ANKRD28: variants seen among roughly 807,000 people sequenced by gnomAD.
ANKRD28 encodes the protein serine/threonine-protein phosphatase 6 regulatory ankyrin repeat subunit A.
A neutral mutation model predicts 126.5 loss-of-function variants in ANKRD28; 44 were observed. The observed-to-expected ratio is 0.35, with a 90% CI of 0.27 to 0.45. The LOEUF is 0.45. ANKRD28 is among the 20% of genes least tolerant of loss of function. The pLI is 1.00. For synonymous variants in ANKRD28, 442 were observed against 468.5 expected (o/e 0.94, Z 0.73); for missense variants, 1,110 against 1,316.6 (o/e 0.84, Z 2.43).
rs541704511 is a variant in ANKRD28, at chr3:15,686,358, T to C, written c.1964-49A>G. 1.5e-4 allele frequency: 214 copies of C among 1,392,302 alleles called. 4 individuals carry two copies. In the South Asian group the frequency reaches 2.5e-3, roughly 16 times the overall value. 86.2% of individuals were successfully genotyped at this position (1,392,302 alleles called of 1,614,324 possible). A position where few individuals can be genotyped will look rare whatever the true frequency, so the allele number is the denominator to read the frequency against. ...TCAGTAATTACATATAATGATAAAA[T>C]AGAAAATGTCCATCTAAAAGCACAT... On this transcript the variant is annotated intron_variant, in intron 18 of 27. Coordinates refer to ENST00000683139, the MANE Select transcript of ANKRD28 (RefSeq NM_001349278.2).
chr3:15,691,418 C>T (rs554929728), intron 17 of ANKRD28, among the ~76,000 whole-genome samples: 6 of 152,294 alleles, frequency 3.9e-5, no homozygotes, highest in South Asian at 2.1e-4. Context: ...CCACTGCGCC[C>T]GGCCCCGAGT....
intron 6 of ANKRD28, among the ~76,000 whole-genome samples, chr3:15,731,613 T>G (rs1396690500): frequency 6.6e-6 from 1 of 151,984 alleles, no homozygotes; most frequent in African/African-American, 2.4e-5. Flanking sequence ...ACACCAAGCT[T>G]TCAGCTTTAA....
chr3:15,756,834 G>A (rs540423007), intron 3 of ANKRD28, among the ~76,000 whole-genome samples: 13 of 152,258 alleles, frequency 8.5e-5, no homozygotes, highest in African/African-American at 2.9e-4. Flanking sequence ...TATCCCATTT[G>A]ACTCCAGATT....
chr3:15,711,703 T>C (rs2072304635), intron 11 of ANKRD28, among the ~76,000 whole-genome samples: 2 of 152,196 alleles, frequency 1.3e-5, no homozygotes, highest in Non-Finnish European at 1.5e-5. Flanking sequence ...TTTTTTTTTT[T>C]TGAGACAGAG....
intron 14 of ANKRD28, among the ~76,000 whole-genome samples, chr3:15,696,859 C>G (rs993179325): frequency 5.3e-5 from 8 of 151,944 alleles, no homozygotes; most frequent in African/African-American, 1.9e-4. Flanking sequence ...TATGTAAAAC[C>G]ACTATGGAAA....
intron 4 of ANKRD28, among the ~76,000 whole-genome samples, chr3:15,741,697 C>CTT (rs58655271): frequency 3.9e-4 from 13 of 33,664 alleles, no homozygotes; most frequent in East Asian, 7.0e-4. Context: ...TGGTTCTATC[C>CTT]TTTTTTTTTT....
chr3:15,856,112 C>T (rs2061759874), intron 1 of ANKRD28, among the ~76,000 whole-genome samples: 2 of 152,070 alleles, frequency 1.3e-5, no homozygotes, highest in Non-Finnish European at 2.9e-5. Flanking sequence ...TTGTTGTCAA[C>T]GGTAGCTACC....
chr3:15,796,523 C>A lies in ANKRD28; in HGVS notation c.-2G>T, dbSNP rs755946264. ...AACAACAATACACACTCGACTCATT[C>A]GATCTTTTAAAACACTAAATTCCAA... On this transcript the variant is annotated 5_prime_UTR_variant, in exon 1 of 28. Coordinates refer to ENST00000683139, the MANE Select transcript of ANKRD28 (RefSeq NM_001349278.2). 2 of 1,280,886 alleles carry A rather than the reference C, an allele frequency of 1.6e-6. No homozygotes were observed. Among genetic ancestry groups the A allele is most frequent in the Non-Finnish European group, 2.0e-6 (2 of 984,080 alleles). The allele number at this position is 1,280,886 out of a possible 1,614,324, so 79.3% of individuals were successfully genotyped here.
intron 6 of ANKRD28, among the ~76,000 whole-genome samples, chr3:15,731,194 C>G (rs766243075): frequency 6.6e-6 from 1 of 152,178 alleles, no homozygotes; most frequent in Non-Finnish European, 1.5e-5. Context: ...TGACACTTAG[C>G]GGGTGAGAAA....
chr3:15,782,058 A>T, intron 2 of ANKRD28, among the ~76,000 whole-genome samples: 1 of 152,006 alleles, frequency 6.6e-6, no homozygotes, highest in East Asian at 1.9e-4. Flanking sequence ...TCTTAATACC[A>T]CTGTATTTCT....
At chr3:15,791,584 C>CCTAT (rs1412423824) in intron 2 of ANKRD28, among the ~76,000 whole-genome samples, 1 of 152,096 alleles carries the variant, frequency 6.6e-6, no homozygotes, top group Non-Finnish European at 1.5e-5. Context: ...AAACCAGACC[C>CCTAT]CTATCTCTTG....
At chr3:15,759,068 A>G (rs1206433425) in intron 3 of ANKRD28, among the ~76,000 whole-genome samples, 1 of 152,214 alleles carries the variant, frequency 6.6e-6, no homozygotes, top group Non-Finnish European at 1.5e-5. Context: ...CTCAGTGGCC[A>G]GCAAATAGTC....
Position 15,830,277 on chromosome 3 carries a change from T to C in ANKRD28, c.27+29100A>G, listed in dbSNP as rs912403539. ...GACTTTAGGGACTCCCAGGGGTTCA[T>C]GGACCACACTATGAGAAGTCTCTTA... On this transcript the variant is annotated intron_variant, in intron 1 of 27. Transcript: ENST00000399451. The surrounding 1 kb of genome is among the most constrained non-coding windows in gnomAD (Gnocchi z 4.5). 7.2e-5 allele frequency among the ~76,000 whole-genome samples: 11 copies of C among 152,208 alleles called. No homozygotes were observed. The highest frequency in any genetic ancestry group is 2.4e-4 in the African/African-American group (10 of 41,452).
At chr3:15,798,214 G>A (rs1051572593), upstream of ANKRD28, 8 of 966,568 alleles carry the variant, frequency 8.3e-6, no homozygotes, top group African/African-American at 1.4e-4. Context: ...ATTCCAAACG[G>A]CTTAACTGCT....
intron 17 of ANKRD28, among the ~76,000 whole-genome samples, chr3:15,693,333 G>A (rs2069060683): frequency 6.6e-6 from 1 of 151,592 alleles, no homozygotes; most frequent in African/African-American, 2.4e-5. Flanking sequence ...GGGGCAGAGA[G>A]AGAGAGAGAG....
At chr3:15,810,446 A>T (rs1028959188) in intron 1 of ANKRD28, among the ~76,000 whole-genome samples, 4 of 152,306 alleles carry the variant, frequency 2.6e-5, no homozygotes, top group Middle Eastern at 3.4e-3. Flanking sequence ...TGAAAATTTA[A>T]ATGCTGAACA....
At chr3:15,799,378 G>A (rs1190560082), upstream of ANKRD28, among the ~76,000 whole-genome samples, 1 of 149,962 alleles carries the variant, frequency 6.7e-6, no homozygotes, top group Non-Finnish European at 1.5e-5. Context: ...TTTAAAACAA[G>A]AACCATTGAA....
intron 2 of ANKRD28, among the ~76,000 whole-genome samples, chr3:15,788,714 T>C (rs2059892968): frequency 6.6e-6 from 1 of 152,148 alleles, no homozygotes; most frequent in South Asian, 2.1e-4. Flanking sequence ...TTCTACAACA[T>C]GGCATTAAGT....
chr3:15,710,110 C>T (rs934656598), intron 12 of ANKRD28, among the ~76,000 whole-genome samples: 2 of 151,128 alleles, frequency 1.3e-5, no homozygotes, highest in African/African-American at 2.4e-5. Flanking sequence ...CCATAGCTAA[C>T]GGCAGCCTCC....
Sources: gnomAD v4.1 joint callset for allele counts (sites outside exome capture counted in the v4.1 genomes callset) on GRCh38, gnomAD v4.1.1 for gene constraint, Gnocchi (gnomAD v3.1) non-coding constraint, MANE v1.5 for transcripts, NCBI Gene and HGNC (gene_info 2026-07-23, HGNC 2026-07-21) for gene names.